The following PLXNA2 variants were observed in gnomAD, a reference collection of about 807,000 sequenced individuals.
PLXNA2 encodes plexin-A2.
PLXNA2 carries 91 observed loss-of-function variants against 193.5 expected under a neutral mutation model. The ratio of observed to expected loss-of-function variants is 0.47; its 90% CI spans 0.40 to 0.56. The LOEUF (loss-of-function observed/expected upper bound fraction) is 0.56, where lower values mean the gene tolerates loss of function less well. Ranked by LOEUF, PLXNA2 falls within the 20% of genes least tolerant of loss-of-function variation. The pLI, the probability that PLXNA2 is intolerant of heterozygous loss-of-function variation, is 0.00. For missense variants in PLXNA2, 1,995 were observed against 2,503.2 expected (o/e 0.80, Z 4.33); for synonymous variants, 997 against 1,027.3 (o/e 0.97, Z 0.56).
In PLXNA2 at chr1:208,203,765, G is replaced by A. The variant is rs76417949; in HGVS notation, c.1371+6515C>T. On this transcript the variant is annotated intron_variant, in intron 3 of 31. Coordinates refer to ENST00000367033, the MANE Select transcript of PLXNA2 (RefSeq NM_025179.4). ...AGCTACAGCTCAGTTTCCTACATCT[G>A]TAAAATGGGGTAAAGATGCAGGGGC... Among the ~76,000 whole-genome samples, 81 of 152,308 alleles carry A rather than the reference G, an allele frequency of 5.3e-4. No individual in the cohort carries two copies. In the East Asian group the frequency reaches 0.014, roughly 27 times the overall value.
chr1:208,140,133 A>G (rs1668419123), intron 4 of PLXNA2, among the ~76,000 whole-genome samples: 1 of 152,098 alleles, frequency 6.6e-6, no homozygotes, highest in South Asian at 2.1e-4. Context: ...GGGTACCTGA[A>G]GCAGAAGGTG....
chr1:208,046,297 C>T (rs1665062072), intron 17 of PLXNA2, among the ~76,000 whole-genome samples, 180 bp from the exon 18 acceptor site: 1 of 152,166 alleles, frequency 6.6e-6, no homozygotes, highest in Non-Finnish European at 1.5e-5. Context: ...GAGTGGGGGG[C>T]ATTTTAGCTT....
chr1:208,186,713 A>G (rs11805656), intron 3 of PLXNA2, among the ~76,000 whole-genome samples: 25,334 of 129,604 alleles, frequency 0.2, 3,372 homozygotes, highest in Non-Finnish European at 0.26. Context: ...ATGTTATTTT[A>G]TTTTTTTTTT....
chr1:208,068,044 C>G (rs146486314), intron 12 of PLXNA2, among the ~76,000 whole-genome samples: 1 of 152,308 alleles, frequency 6.6e-6, no homozygotes, highest in African/African-American at 2.4e-5. Context: ...CTCCCACTTC[C>G]TTCTATGAAC....
rs925518789 is a variant in PLXNA2, at chr1:208,038,095, C to A, written c.4764+276G>T. On this transcript the variant is annotated intron_variant, in intron 26 of 31. Coordinates refer to ENST00000367033, the MANE Select transcript of PLXNA2 (RefSeq NM_025179.4). This position sits in a 1 kb window ranked among gnomAD's most constrained non-coding sequence, Gnocchi z 4.1. ...GTTGTTGTTTTGTTTTGTTTTTTTG[C>A]AAATGTAGAGGTACACAGAATAGAA... Among the ~76,000 whole-genome samples, 2 of 152,064 alleles carry A rather than the reference C, an allele frequency of 1.3e-5. No individual in the cohort carries two copies. Among genetic ancestry groups the A allele is most frequent in the Admixed American group, 1.3e-4 (2 of 15,276 alleles).
In PLXNA2 at chr1:208,096,879, C is replaced by T. The variant is rs1436059894; in HGVS notation, c.1736G>A (p.Ser579Asn). The T allele has an allele frequency of 5.0e-6, 8 of 1,613,164 alleles. No homozygotes were observed. The highest frequency in any genetic ancestry group is 6.8e-6 in the Non-Finnish European group (8 of 1,179,834). Residue 579 changes from serine (S) to asparagine (N), a missense_variant, in exon 7 of 32, where the codon AGC becomes AAC. Physicochemically the swap from Ser to Asn is conservative, Grantham distance 46. This residue lies in a region of PLXNA2 where 702 missense variants were observed against 812.9 expected (regional missense o/e 0.86). Coordinates refer to ENST00000367033, the MANE Select transcript of PLXNA2 (RefSeq NM_025179.4). Reference protein sequence around the residue: ...ISVSEHSRLLSLVVSDAPDLS... With the variant: ...ISVSEHSRLLNLVVSDAPDLS... ...ATCAGGAGCATCACTCACTACCAGG[C>T]TAAGCTGTGGGAGGAGCAAAGAGAT...
Position 208,038,584 on chromosome 1 carries a change from T to A in PLXNA2, c.4661-110A>T. ...ACCTGGCAACCCGGCCCCCTCAAGCTGGTACCAATAACAGAGGCTAGAGAC... is the reference window on the plus strand; with the variant it reads ...ACCTGGCAACCCGGCCCCCTCAAGCAGGTACCAATAACAGAGGCTAGAGAC... On this transcript the variant is annotated intron_variant, in intron 25 of 31. Coordinates refer to ENST00000367033, the MANE Select transcript of PLXNA2 (RefSeq NM_025179.4). The surrounding 1 kb of genome is among the most constrained non-coding windows in gnomAD (Gnocchi z 4.1). 1 of 914,136 alleles carries A rather than the reference T, an allele frequency of 1.1e-6. No individual in the cohort carries two copies. The highest frequency in any genetic ancestry group is 1.8e-6 in the Non-Finnish European group (1 of 564,394). The allele number at this position is 914,136 out of a possible 1,614,324, so 56.6% of individuals were successfully genotyped here. A position where few individuals can be genotyped will look rare whatever the true frequency, so the allele number is the denominator to read the frequency against.
chr1:208,079,327 C>T lies in PLXNA2; in HGVS notation c.2519G>A (p.Ser840Asn). ...CCAGTCGAGCCAGGGGCTGGAAGGG[C>T]TGGTACAGTGCTGGTGGAGGGTGCA... is the stretch of plus-strand genomic sequence containing the variant. ...RRCTLHQHCT[S>N]PSSPWLDWSS... The change falls in exon 12 of 32, where the codon AGC becomes AAC. Residue 840 changes from serine to asparagine, a missense_variant. Ser to Asn is a conservative substitution (Grantham distance 46). Coordinates refer to ENST00000367033, the MANE Select transcript of PLXNA2 (RefSeq NM_025179.4). The T allele has an allele frequency of 6.2e-7, 1 of 1,613,902 alleles. No individual in the cohort carries two copies. The highest frequency in any genetic ancestry group is 1.1e-5 in the South Asian group (1 of 91,086).
At position 208,084,422 on chromosome 1, in the gene PLXNA2, A is replaced by C; in HGVS notation, c.2256T>G (p.Ala752=). ...NIQGAIHRVP[A]LRFNSSSVQC... ...GAACGCTGGAGCTGTTGAAGCGCAG[A>C]GCGGGGACCCGGTGGATGGCTCCTT... The change falls in exon 10 of 32, where the codon GCT becomes GCG. Residue 752 remains alanine, a synonymous_variant. Coordinates refer to ENST00000367033, the MANE Select transcript of PLXNA2 (RefSeq NM_025179.4). 6.2e-7 allele frequency: 1 copy of C among 1,614,266 alleles called. No homozygotes were observed. The highest frequency in any genetic ancestry group is 8.5e-7 in the Non-Finnish European group (1 of 1,180,044).
At position 208,137,581 on chromosome 1, in the gene PLXNA2, G is replaced by C. The variant is rs1003916627; in HGVS notation, c.1506+4748C>G. ...TGCTGATTCGCTGTCAGTGAAGCTGGGGCAGACTTTCTAGGAAAGAGCCAG... is the reference window on the plus strand; with the variant it reads ...TGCTGATTCGCTGTCAGTGAAGCTGCGGCAGACTTTCTAGGAAAGAGCCAG... On this transcript the variant is annotated intron_variant, in intron 4 of 31. Transcript: ENST00000367033. Among the ~76,000 whole-genome samples the C allele has an allele frequency of 1.3e-4, 20 of 152,108 alleles. 1 individual carries two copies. Among genetic ancestry groups the C allele is most frequent in the Non-Finnish European group, 1.9e-4 (13 of 68,012 alleles).
intron 3 of PLXNA2, among the ~76,000 whole-genome samples, chr1:208,177,763 C>A (rs1268937028): frequency 6.6e-6 from 1 of 152,264 alleles, no homozygotes; most frequent in East Asian, 1.9e-4. Context: ...TCTGCCCCAC[C>A]TAAGAACTTG....
At chr1:208,226,131 T>G (rs973814347) in intron 1 of PLXNA2, among the ~76,000 whole-genome samples, 1 of 152,220 alleles carries the variant, frequency 6.6e-6, no homozygotes, top group Non-Finnish European at 1.5e-5. Context: ...TCACTTGCTC[T>G]GCCCATGATA....
chr1:208,238,886 GC>G (rs1671952414), intron 1 of PLXNA2, among the ~76,000 whole-genome samples: 1 of 152,204 alleles, frequency 6.6e-6, no homozygotes, highest in Non-Finnish European at 1.5e-5. Context: ...CTTTTGGCGG[GC>G]CAGCCAGCAG....
At chr1:208,221,056 C>T (rs755750955) in intron 1 of PLXNA2, among the ~76,000 whole-genome samples, 15 of 152,104 alleles carry the variant, frequency 9.9e-5, no homozygotes, top group East Asian at 1.9e-4. Context: ...GAATGAGAAA[C>T]GTCCTGATGT....
At chr1:208,079,152 C>G (rs1233732265) in intron 12 of PLXNA2, 108 bp downstream of exon 12, 1 of 949,968 alleles carries the variant, frequency 1.1e-6, no homozygotes, top group African/African-American at 1.6e-5. Context: ...ATTAAACTCA[C>G]TGTACGCCAA....
At chr1:208,230,920 A>T (rs1228538194) in intron 1 of PLXNA2, among the ~76,000 whole-genome samples, 1 of 152,206 alleles carries the variant, frequency 6.6e-6, no homozygotes, top group Non-Finnish European at 1.5e-5. Flanking sequence ...TTAAAGGGGC[A>T]TGCAGAAACT....
chr1:208,042,994 T>A, intron 21 of PLXNA2, 67 bp downstream of exon 21: 2 of 1,553,906 alleles, frequency 1.3e-6, no homozygotes, highest in Non-Finnish European at 1.8e-6. Flanking sequence ...GAGTCTCATC[T>A]GGATTTCCTA....
At position 208,217,998 on chromosome 1, in the gene PLXNA2, T is replaced by C. The variant is rs748048511; in HGVS notation, c.-76A>G. ...CCACCTTCCCCGGTTGGCCCTCACA[T>C]GATTCTGCAAAACACAAGGCAGAGT... On this transcript the variant is annotated 5_prime_UTR_variant, in exon 2 of 32. It removes an upstream start codon present in the reference 5' UTR. Coordinates refer to ENST00000367033, the MANE Select transcript of PLXNA2 (RefSeq NM_025179.4). The surrounding 1 kb of genome is among the most constrained non-coding windows in gnomAD (Gnocchi z 4.7). The C allele has an allele frequency of 1.9e-6, 3 of 1,562,564 alleles. No homozygotes were observed. The highest frequency in any genetic ancestry group is 2.6e-6 in the Non-Finnish European group (3 of 1,160,968).
rs560885287 is a variant in PLXNA2, at chr1:208,217,939, G to A, written c.-17C>T. On this transcript the variant is annotated 5_prime_UTR_variant, in exon 2 of 32. Coordinates refer to ENST00000367033, the MANE Select transcript of PLXNA2 (RefSeq NM_025179.4). The surrounding 1 kb of genome is among the most constrained non-coding windows in gnomAD (Gnocchi z 4.7). ...CTGTTCCATGCTGAGAGGGGCGGCG[G>A]TGAGGAGACGGCTCCTGTGTGTGCT... The A allele has an allele frequency of 6.2e-7, 1 of 1,603,062 alleles. No homozygotes were observed. The highest frequency in any genetic ancestry group is 8.5e-7 in the Non-Finnish European group (1 of 1,179,344).
Sources: allele counts gnomAD v4.1 joint callset (sites outside exome capture counted in the v4.1 genomes callset), GRCh38; gene constraint gnomAD v4.1.1; regional missense constraint gnomAD v4.1.1; non-coding constraint Gnocchi (gnomAD v3.1); transcripts MANE v1.5; gene names NCBI Gene and HGNC (gene_info 2026-07-23, HGNC 2026-07-21).